Variants in FLT1 observed in about 807,000 individuals in gnomAD.
FLT1 encodes fms related receptor tyrosine kinase 1.
Under a neutral mutation model 156.3 loss-of-function variants are expected in FLT1, and 49 were observed. That is an observed-to-expected ratio of 0.31 (90% CI 0.25 to 0.40). The LOEUF (loss-of-function observed/expected upper bound fraction) is 0.40, where lower values mean the gene tolerates loss of function less well. Among genes scored for constraint, FLT1 ranks in the 10% least tolerant of loss-of-function variants. The pLI, the probability that FLT1 is intolerant of heterozygous loss-of-function variation, is 1.00. For missense variants in FLT1, 1,322 were observed against 1,637.2 expected (o/e 0.81, Z 3.32); for synonymous variants, 594 against 583.8 (o/e 1.02, Z -0.25).
chr13:28,426,433 T>G (rs566981340), intron 10 of FLT1, among the ~76,000 whole-genome samples: 2 of 152,324 alleles, frequency 1.3e-5, no homozygotes, highest in Admixed American at 1.3e-4. Context: ...AAATATACAC[T>G]AAGTATCTAC....
At chr13:28,375,548 C>T (rs1383657558) in intron 14 of FLT1, among the ~76,000 whole-genome samples, 3 of 152,200 alleles carry the variant, frequency 2.0e-5, no homozygotes, top group African/African-American at 7.2e-5. Flanking sequence ...TCTTCTACCT[C>T]CTAAAAGAAC....
At chr13:28,398,951 T>C (rs1242437301) in intron 11 of FLT1, 3 of 875,264 alleles carry the variant, frequency 3.4e-6, no homozygotes, top group African/African-American at 1.7e-5. Flanking sequence ...GGTGTCCCTT[T>C]TCTTATTTTG....
At chr13:28,406,686 C>T (rs897749372) in intron 10 of FLT1, among the ~76,000 whole-genome samples, 1 of 151,802 alleles carries the variant, frequency 6.6e-6, no homozygotes, top group Non-Finnish European at 1.5e-5. Context: ...CACTCTGTCA[C>T]CTAGGCTAAT....
chr13:28,431,222 A>G lies in FLT1; in HGVS notation c.902T>C (p.Met301Thr). ...ATAAAGTCCTTTGTCTTTGTTCTGC[A>G]TTTTGTCAATAGTAAGAACACTGTA... ...IFYSVLTIDK[M>T]QNKDKGLYTC... is the part of the protein sequence containing the mutation. Residue 301 changes from methionine to threonine, a missense_variant, in exon 7 of 30, where the codon ATG becomes ACG. Physicochemically the swap from Met to Thr is moderately conservative, Grantham distance 81. Transcript: ENST00000282397. The G allele has an allele frequency of 4.3e-6, 7 of 1,613,580 alleles. No individual in the cohort carries two copies. The highest frequency in any genetic ancestry group is 5.1e-6 in the Non-Finnish European group (6 of 1,179,498).
chr13:28,471,714 C>A (rs899248626), intron 1 of FLT1, among the ~76,000 whole-genome samples: 1 of 152,088 alleles, frequency 6.6e-6, no homozygotes, highest in Non-Finnish European at 1.5e-5. Context: ...ATCTCAGATG[C>A]AGATGAGAAC....
chr13:28,330,623 T>C (rs1871889790), intron 18 of FLT1, among the ~76,000 whole-genome samples: 1 of 148,832 alleles, frequency 6.7e-6, no homozygotes, highest in Non-Finnish European at 1.5e-5. Context: ...ATATATGATA[T>C]ATATGACTAT....
intron 1 of FLT1, among the ~76,000 whole-genome samples, chr13:28,477,178 T>G (rs963715846): frequency 6.6e-6 from 1 of 152,228 alleles, no homozygotes; most frequent in African/African-American, 2.4e-5. Context: ...GCTTTTTACT[T>G]GACACTGCCT....
rs548731195 is a variant in FLT1 at position 28,426,006 on chromosome 13, T to A, written c.1436+1153A>T. Among the ~76,000 whole-genome samples the A allele has an allele frequency of 2.0e-5, 3 of 152,278 alleles. No homozygotes were observed. In the East Asian group the frequency reaches 5.8e-4, roughly 29 times the overall value. ...GAATTCCATAGCTCACCAGTAACTT[T>A]CCACTCTGAGAGTAATACACCCTAA... On this transcript the variant is annotated intron_variant, in intron 10 of 29. Coordinates refer to ENST00000282397, the MANE Select transcript of FLT1 (RefSeq NM_002019.4).
chr13:28,402,574 C>G (rs1875510779), intron 11 of FLT1, among the ~76,000 whole-genome samples: 2 of 151,630 alleles, frequency 1.3e-5, no homozygotes, highest in South Asian at 2.1e-4. Flanking sequence ...TAAAATATAT[C>G]TATATATATA....
chr13:28,337,538 ACT>A (rs1243827610), intron 17 of FLT1, among the ~76,000 whole-genome samples: 2 of 152,220 alleles, frequency 1.3e-5, no homozygotes, highest in Non-Finnish European at 2.9e-5. Flanking sequence ...TTGCAGCCAC[ACT>A]CTGTATTGAA....
At position 28,327,520 on chromosome 13, in the gene FLT1, T is replaced by C. The variant is rs1310044674; in HGVS notation, c.2738A>G (p.Lys913Arg). 2 of 1,613,636 alleles carry C rather than the reference T, an allele frequency of 1.2e-6. No homozygotes were observed. The highest frequency in any genetic ancestry group is 2.2e-5 in the East Asian group (1 of 44,874). ...GAGGTAGTTGGAGAGATTTCCATATTTGCAGTATTCAACAATCACCATCAG... is the reference window on the plus strand; with the variant it reads ...GAGGTAGTTGGAGAGATTTCCATATCTGCAGTATTCAACAATCACCATCAG... ...GPLMVIVEYC[K>R]YGNLSNYLKS... Residue 913 changes from lysine (K) to arginine (R), a missense_variant, in exon 20 of 30, where the codon AAA (lysine) becomes AGA (arginine). Lys to Arg is a conservative substitution (Grantham distance 26). Transcript: ENST00000282397.
At chr13:28,479,468 TAGTA>T (rs1485094943) in intron 1 of FLT1, among the ~76,000 whole-genome samples, 1 of 152,192 alleles carries the variant, frequency 6.6e-6, no homozygotes, top group East Asian at 1.9e-4. Flanking sequence ...ATCCTTCACG[TAGTA>T]AGTATTTGTA....
chr13:28,314,263 C>T (rs927651436), intron 25 of FLT1, among the ~76,000 whole-genome samples: 7 of 152,206 alleles, frequency 4.6e-5, no homozygotes, highest in African/African-American at 1.4e-4. Context: ...CCTAGTTTCC[C>T]TGCTGACACT....
intron 3 of FLT1, among the ~76,000 whole-genome samples, chr13:28,462,113 G>C (rs1166085979): frequency 6.6e-6 from 1 of 152,188 alleles, no homozygotes; most frequent in Non-Finnish European, 1.5e-5. Context: ...TGGTGAGAGA[G>C]AGATATAAGC....
chr13:28,322,557 A>C lies in FLT1; in HGVS notation c.2954-198T>G. 1 of 721,838 alleles carries C rather than the reference A, an allele frequency of 1.4e-6. No individual in the cohort carries two copies. 44.7% of individuals were successfully genotyped at this position (721,838 alleles called of 1,614,324 possible). ...GCCCACTTTATCCAAGCATGGGGGC[A>C]GGGGGATGATCCATTAAGATGAAAA... On this transcript the variant is annotated intron_variant, in intron 21 of 29. Transcript: ENST00000282397. The surrounding 1 kb of genome is among the most constrained non-coding windows in gnomAD (Gnocchi z 4.3).
At chr13:28,386,659 T>C in intron 13 of FLT1, 1 of 1,057,304 alleles carries the variant, frequency 9.5e-7, no homozygotes, top group Non-Finnish European at 1.1e-6. Context: ...TAATTGAAAA[T>C]GCAGTCCTGT....
chr13:28,400,649 G>A (rs1270371640), intron 11 of FLT1, among the ~76,000 whole-genome samples: 2 of 152,114 alleles, frequency 1.3e-5, no homozygotes, highest in Non-Finnish European at 2.9e-5. Flanking sequence ...GAAAAAATCT[G>A]TTCCTCAGTC....
At chr13:28,361,423 G>A (rs988065324) in intron 14 of FLT1, among the ~76,000 whole-genome samples, 9 of 151,868 alleles carry the variant, frequency 5.9e-5, no homozygotes, top group African/African-American at 1.7e-4. Context: ...TATTTTTTGA[G>A]CTCCTACTAC....
intron 17 of FLT1, among the ~76,000 whole-genome samples, chr13:28,334,901 C>T (rs1471815933): frequency 6.6e-6 from 1 of 152,034 alleles, no homozygotes; most frequent in Non-Finnish European, 1.5e-5. Flanking sequence ...GGGGCAAGGA[C>T]CATGTCTGAA....
Sources: gnomAD v4.1 joint callset for allele counts (sites outside exome capture counted in the v4.1 genomes callset) on GRCh38, gnomAD v4.1.1 for gene constraint, Gnocchi (gnomAD v3.1) non-coding constraint, MANE v1.5 for transcripts, NCBI Gene and HGNC (gene_info 2026-07-23, HGNC 2026-07-21) for gene names.